RIMBP2: variants seen among roughly 807,000 people sequenced by gnomAD.
The protein encoded by RIMBP2 is RIMS binding protein 2.
In RIMBP2, 48 loss-of-function variants were observed where a neutral mutation model predicts 118.6. The observed-to-expected ratio is 0.40, with a 90% CI of 0.32 to 0.51. RIMBP2 has a LOEUF of 0.51. Among genes scored for constraint, RIMBP2 ranks in the 20% least tolerant of loss-of-function variants. The probability of loss-of-function intolerance (pLI) is 0.41; values close to 1 mark genes in which losing one functional copy is unlikely to be tolerated. For missense variants in RIMBP2, 1,551 were observed against 1,768.3 expected (o/e 0.88, Z 2.20); for synonymous variants, 762 against 742.9 (o/e 1.03, Z -0.42).
rs543792944 is a variant in RIMBP2, at chr12:130,413,385, T to A, written c.3421-598A>T. ...ATCTCACGGCCTGTAATCCCAGCAC[T>A]TTGGGAGGCCAAGGCGGGCAGATCA... On this transcript the variant is annotated intron_variant, in intron 18 of 22. Transcript: ENST00000690449. 1.1e-4 allele frequency among the ~76,000 whole-genome samples: 17 copies of A among 152,200 alleles called. No homozygotes were observed. In the South Asian group the frequency reaches 3.5e-3, roughly 32 times the overall value.
At position 130,567,257 on chromosome 12, in the gene RIMBP2, T is replaced by C. The variant is rs79863588; in HGVS notation, c.-216-49340A>G. On this transcript the variant is annotated intron_variant, in intron 2 of 22. Transcript: ENST00000690449. ...AACCGTGGATTAAAGACACAGAACATGTTTGCAGGCCCCAGGTTTCCGCAT... is the reference window on the plus strand; with the variant it reads ...AACCGTGGATTAAAGACACAGAACACGTTTGCAGGCCCCAGGTTTCCGCAT... Among the ~76,000 whole-genome samples, 645 of 152,302 alleles carry C rather than the reference T, an allele frequency of 4.2e-3. 5 individuals are homozygous for C. Among genetic ancestry groups the C allele is most frequent in the Non-Finnish European group, 4.8e-3 (329 of 68,020 alleles).
chr12:130,433,076 C>T (rs868071923), intron 14 of RIMBP2, among the ~76,000 whole-genome samples: 3 of 141,744 alleles, frequency 2.1e-5, no homozygotes, highest in South Asian at 2.1e-4. Flanking sequence ...GAACAACAGG[C>T]GCTATGGGAC....
chr12:130,439,311 G>T (rs1260884772), intron 11 of RIMBP2, among the ~76,000 whole-genome samples: 1 of 151,566 alleles, frequency 6.6e-6, no homozygotes, highest in Non-Finnish European at 1.5e-5. Context: ...GTGTGTGGGT[G>T]TGTATAGATG....
chr12:130,611,817 A>T (rs1686213631), intron 2 of RIMBP2, among the ~76,000 whole-genome samples: 1 of 152,092 alleles, frequency 6.6e-6, no homozygotes, highest in African/African-American at 2.4e-5. Flanking sequence ...AAACCCATGT[A>T]ACTGCCTGTT....
intron 1 of RIMBP2, among the ~76,000 whole-genome samples, chr12:130,643,453 C>T (rs2062712503): frequency 6.6e-6 from 1 of 152,184 alleles, no homozygotes; most frequent in Non-Finnish European, 1.5e-5. Flanking sequence ...CTACAGAAAT[C>T]ACTGGGCCAT....
chr12:130,636,994 G>T (rs1406530400), intron 1 of RIMBP2, among the ~76,000 whole-genome samples: 2 of 152,232 alleles, frequency 1.3e-5, no homozygotes, highest in African/African-American at 4.8e-5. Flanking sequence ...CAGAAGAGCA[G>T]AGAATCATGA....
chr12:130,598,169 T>C (rs1461521105), intron 2 of RIMBP2, among the ~76,000 whole-genome samples: 3 of 152,204 alleles, frequency 2.0e-5, no homozygotes, highest in African/African-American at 7.2e-5. Flanking sequence ...ACAGGCACAC[T>C]TGACAAAAGA....
intron 17 of RIMBP2, among the ~76,000 whole-genome samples, chr12:130,416,972 G>A (rs557508866): frequency 1.3e-5 from 2 of 151,946 alleles, no homozygotes; most frequent in Non-Finnish European, 2.9e-5. Flanking sequence ...TTTAAAAAAT[G>A]TATAAAAATA....
At chr12:130,472,446 A>G (rs1377663735) in intron 5 of RIMBP2, 1 of 152,248 alleles carries the variant, frequency 6.6e-6, no homozygotes, top group Admixed American at 6.5e-5. Context: ...TTCCCCGTGG[A>G]GCAGGAAAAT....
At chr12:130,653,673 G>C (rs1459899145) in intron 1 of RIMBP2, among the ~76,000 whole-genome samples, 1 of 152,212 alleles carries the variant, frequency 6.6e-6, no homozygotes, top group African/African-American at 2.4e-5. Flanking sequence ...CTCCACCCCT[G>C]TGGCAGGCTT....
In RIMBP2 at chr12:130,442,374, G is replaced by A. The variant is rs374447810; in HGVS notation, c.978C>T (p.Leu326=). 2.3e-5 allele frequency: 37 copies of A among 1,614,052 alleles called. No homozygotes were observed. The highest frequency in any genetic ancestry group is 6.7e-5 in the East Asian group (3 of 44,880). The change falls in exon 11 of 23, where the codon CTC becomes CTT. Residue 326 remains leucine (L), a synonymous_variant. Transcript: ENST00000690449. This position sits in a 1 kb window ranked among gnomAD's most constrained non-coding sequence, Gnocchi z 6.9. ...CCCAGCCCACAATAACACTTTTGGC[G>A]AGTTGTTTGATGAGGGTGATTTTTC... ...YPRKITLIKQ[L]AKSVIVGWEP... is the part of the protein sequence containing the mutation.
intron 4 of RIMBP2, among the ~76,000 whole-genome samples, chr12:130,495,718 C>A (rs946235022): frequency 6.6e-5 from 10 of 152,284 alleles, no homozygotes; most frequent in Admixed American, 3.9e-4. Context: ...AAATTGCTCA[C>A]GGTATTAGCA....
Position 130,438,346 on chromosome 12 carries a change from C to A in RIMBP2, c.1656+19G>T, listed in dbSNP as rs927642347. 6.6e-7 allele frequency: 1 copy of A among 1,509,472 alleles called. No individual in the cohort carries two copies. The highest frequency in any genetic ancestry group is 1.1e-5 in the South Asian group (1 of 89,648). 93.5% of individuals were successfully genotyped at this position (1,509,472 alleles called of 1,614,324 possible). ...TTAGGGCCTAACAAACCCTCCCCAC[C>A]CACCCAACGAAAACTCACCCTCTGC... is the stretch of plus-strand genomic sequence containing the variant. On this transcript the variant is annotated intron_variant, in intron 12 of 22. Transcript: ENST00000690449.
chr12:130,524,028 C>T (rs2052473976), intron 2 of RIMBP2, among the ~76,000 whole-genome samples: 1 of 152,160 alleles, frequency 6.6e-6, no homozygotes, highest in Non-Finnish European at 1.5e-5. Flanking sequence ...ACTGGACAGG[C>T]CCCAGCAAGA....
chr12:130,598,889 G>A lies in RIMBP2; in HGVS notation c.-217+29433C>T, dbSNP rs542350340. 3.3e-5 allele frequency among the ~76,000 whole-genome samples: 5 copies of A among 152,232 alleles called. 1 individual carries two copies. In the South Asian group the frequency reaches 1.0e-3, roughly 32 times the overall value. On this transcript the variant is annotated intron_variant, in intron 2 of 22. Coordinates refer to ENST00000690449, the MANE Select transcript of RIMBP2 (RefSeq NM_001393629.1). The stretch of plus-strand genomic sequence containing the variant: ...TGTATTAGCAACTGATTGTCTTTTG[G>A]AATTTTTGATGGGGTCTATGTCACT...
intron 2 of RIMBP2, among the ~76,000 whole-genome samples, chr12:130,570,208 G>A (rs1200363639): frequency 6.6e-6 from 1 of 152,076 alleles, no homozygotes; most frequent in African/African-American, 2.4e-5. Context: ...AGGATGACTT[G>A]AGCCTAGGAG....
At chr12:130,705,140 C>T (rs7963888) in intron 1 of RIMBP2, among the ~76,000 whole-genome samples, 40,590 of 152,150 alleles carry the variant, frequency 0.27, 6,010 homozygotes, top group South Asian at 0.38. Flanking sequence ...GCTCTGGTTC[C>T]GCCTTCAGAG....
intron 4 of RIMBP2, among the ~76,000 whole-genome samples, chr12:130,492,836 G>T (rs2048768140): frequency 6.6e-6 from 1 of 152,150 alleles, no homozygotes; most frequent in African/African-American, 2.4e-5. Context: ...AGATTCAAAG[G>T]GATCTGCACA....
chr12:130,533,104 T>C (rs1286964129), intron 2 of RIMBP2, among the ~76,000 whole-genome samples: 3 of 150,766 alleles, frequency 2.0e-5, no homozygotes, highest in African/African-American at 4.9e-5. Context: ...TCTAATGAGA[T>C]GCGTGTGTTT....
Sources: allele counts gnomAD v4.1 joint callset (sites outside exome capture counted in the v4.1 genomes callset), GRCh38; gene constraint gnomAD v4.1.1; non-coding constraint Gnocchi (gnomAD v3.1); transcripts MANE v1.5; gene names NCBI Gene and HGNC (gene_info 2026-07-23, HGNC 2026-07-21).